Variants in EEA1 observed in about 807,000 individuals in gnomAD.
EEA1 encodes the protein early endosome antigen 1, also known as early endosome antigen 1, 162kD.
EEA1 carries 111 observed loss-of-function variants against 209.2 expected under a neutral mutation model. That is an observed-to-expected ratio of 0.53 (90% CI 0.45 to 0.62). EEA1 has a LOEUF of 0.62. EEA1 is among the 20% of genes least tolerant of loss of function. The pLI is 0.00. For synonymous variants in EEA1, 536 were observed against 540.6 expected, an observed-to-expected ratio of 0.99 and a Z score of 0.12; for missense variants, 1,343 against 1,530.8, an observed-to-expected ratio of 0.88 and a Z score of 2.05.
At chr12:92,863,157 C>A (rs1175973758) in intron 3 of EEA1, among the ~76,000 whole-genome samples, 6 of 152,212 alleles carry the variant, frequency 3.9e-5, no homozygotes, top group Non-Finnish European at 5.9e-5. Context: ...GGAAGGAGAA[C>A]TGGCACAGCC....
At chr12:92,893,061 C>T (rs1351781056) in intron 1 of EEA1, among the ~76,000 whole-genome samples, 2 of 152,238 alleles carry the variant, frequency 1.3e-5, no homozygotes, top group Non-Finnish European at 2.9e-5. Context: ...AGCTCCAATA[C>T]TTGATATGAC....
intron 2 of EEA1, among the ~76,000 whole-genome samples, chr12:92,887,949 C>A (rs1161897862): frequency 6.6e-6 from 1 of 151,132 alleles, no homozygotes; most frequent in African/African-American, 2.4e-5. Context: ...CAGGATTAAA[C>A]ACACACACAC....
chr12:92,886,810 A>G (rs1879427145), intron 2 of EEA1, among the ~76,000 whole-genome samples: 1 of 152,072 alleles, frequency 6.6e-6, no homozygotes. Context: ...CATCCTGGCT[A>G]ACATGGTGAA....
intron 18 of EEA1, among the ~76,000 whole-genome samples, chr12:92,805,611 G>T (rs747351097): frequency 2.0e-5 from 3 of 152,112 alleles, no homozygotes; most frequent in Non-Finnish European, 2.9e-5. Flanking sequence ...TGAATTGGGT[G>T]GAACTGATTT....
chr12:92,784,367 C>T (rs1447281710), intron 22 of EEA1, among the ~76,000 whole-genome samples: 1 of 152,142 alleles, frequency 6.6e-6, no homozygotes, highest in East Asian at 1.9e-4. Context: ...CTATATGTCA[C>T]AAAGGGTGAG....
rs1389930197 is a variant in EEA1 at position 92,773,789 on chromosome 12, A to G, written c.*2222T>C. On this transcript the variant is annotated 3_prime_UTR_variant, in exon 29 of 29. Coordinates refer to ENST00000322349, the MANE Select transcript of EEA1 (RefSeq NM_003566.4). ...AAAACACATTAAATTGGGGAGAGTT[A>G]GTAGCAAAAAATGTTCGGTTTCATT... 1 of 151,766 alleles carries G rather than the reference A, an allele frequency of 6.6e-6. No individual in the cohort carries two copies. Among genetic ancestry groups the G allele is most frequent in the East Asian group, 1.9e-4 (1 of 5,186 alleles). 9.4% of individuals were successfully genotyped at this position (151,766 alleles called of 1,614,324 possible).
intron 3 of EEA1, among the ~76,000 whole-genome samples, chr12:92,861,433 C>A (rs1170594479): frequency 6.6e-6 from 1 of 152,116 alleles, no homozygotes; most frequent in Non-Finnish European, 1.5e-5. Context: ...CCAGCCTGGG[C>A]AACAAGTACA....
At chr12:92,904,789 T>C (rs994459362) in intron 1 of EEA1, among the ~76,000 whole-genome samples, 2 of 152,152 alleles carry the variant, frequency 1.3e-5, no homozygotes, top group African/African-American at 4.8e-5. Flanking sequence ...TCTGCAGGGC[T>C]CCCAAGCACA....
intron 2 of EEA1, among the ~76,000 whole-genome samples, chr12:92,869,145 G>C (rs1322883920): frequency 6.6e-6 from 1 of 152,138 alleles, no homozygotes; most frequent in Non-Finnish European, 1.5e-5. Context: ...TGATATAAGA[G>C]ACTCCTCTAT....
intron 18 of EEA1, among the ~76,000 whole-genome samples, chr12:92,805,852 C>T (rs1188998469): frequency 6.6e-6 from 1 of 152,096 alleles, no homozygotes; most frequent in Non-Finnish European, 1.5e-5. Flanking sequence ...TCGTATAGGT[C>T]CCAATAACTT....
chr12:92,861,078 G>T (rs1206640805), intron 3 of EEA1, among the ~76,000 whole-genome samples: 1 of 151,998 alleles, frequency 6.6e-6, no homozygotes, highest in Admixed American at 6.6e-5. Flanking sequence ...CTCACCTAAG[G>T]GTCAAACTGA....
At position 92,798,961 on chromosome 12, in the gene EEA1, T is replaced by C; in HGVS notation, c.2898A>G (p.Gln966=). 2 of 1,613,068 alleles carry C rather than the reference T, an allele frequency of 1.2e-6. No individual in the cohort carries two copies. The highest frequency in any genetic ancestry group is 1.1e-5 in the South Asian group (1 of 90,898). The change falls in exon 21 of 29, where the codon CAA becomes CAG. Residue 966 remains glutamine, a synonymous_variant. Coordinates refer to ENST00000322349, the MANE Select transcript of EEA1 (RefSeq NM_003566.4). The part of the protein sequence containing the change: ...QLQGNINELK[Q]SSEQKKKQIE... ...TTTGTTTTTTCTTCTGTTCACTTGA[T>C]TGCTTTAGCTCATTTATGTTCCCCT...
In EEA1 at chr12:92,811,396, A is replaced by G. The variant is rs764980699; in HGVS notation, c.2082T>C (p.Thr694=). ...NKITTQLDQV[T]AKLQDKQEHC... ...GTTCTTGCTTGTCTTGTAACTTTGCAGTGACCTGATCCAACTGAGTAGTAA... is the reference window on the plus strand; with the variant it reads ...GTTCTTGCTTGTCTTGTAACTTTGCGGTGACCTGATCCAACTGAGTAGTAA... The change falls in exon 17 of 29, where the codon ACT becomes ACC. Residue 694 remains threonine (T), a synonymous_variant. Transcript: ENST00000322349. 2.1e-5 allele frequency: 33 copies of G among 1,599,792 alleles called. No homozygotes were observed. Among genetic ancestry groups the G allele is most frequent in the Non-Finnish European group, 2.6e-5 (31 of 1,174,590 alleles).
chr12:92,832,949 T>A, intron 10 of EEA1, 99 bp from the exon 11 acceptor site: 1 of 807,686 alleles, frequency 1.2e-6, no homozygotes, highest in Non-Finnish European at 1.9e-6. Flanking sequence ...CTATTATACA[T>A]TTTAGTCAAT....
At chr12:92,895,106 A>C (rs1199272844) in intron 1 of EEA1, among the ~76,000 whole-genome samples, 3 of 150,882 alleles carry the variant, frequency 2.0e-5, no homozygotes, top group African/African-American at 4.9e-5. Context: ...AATTAATAGC[A>C]CATCTGTTTA....
At chr12:92,847,605 AAAGT>A (rs1171307391) in intron 9 of EEA1, among the ~76,000 whole-genome samples, 2 of 152,250 alleles carry the variant, frequency 1.3e-5, no homozygotes, top group Admixed American at 6.5e-5. Flanking sequence ...CAAAATTAGA[AAAGT>A]AATTAACAAT....
At chr12:92,789,302 AAGAAAGAAAAGAAAAAG>A (rs1348892341) in intron 21 of EEA1, among the ~76,000 whole-genome samples, 44 of 151,682 alleles carry the variant, frequency 2.9e-4, no homozygotes, top group Non-Finnish European at 5.9e-4. Context: ...AAAAAAAAGA[AAGAAAGAAAAGAAAAAG>A]AGAAAGAAAA....
chr12:92,798,265 T>C (rs943208634), intron 21 of EEA1, among the ~76,000 whole-genome samples: 1 of 152,182 alleles, frequency 6.6e-6, no homozygotes, highest in African/African-American at 2.4e-5. Flanking sequence ...ATAAGAATGA[T>C]TTATTTTAAA....
intron 1 of EEA1, among the ~76,000 whole-genome samples, chr12:92,915,821 T>A (rs1880743335): frequency 6.6e-6 from 1 of 152,200 alleles, no homozygotes; most frequent in Non-Finnish European, 1.5e-5. Flanking sequence ...AGCCATAAAT[T>A]GGCTGACCTA....
Sources: allele counts gnomAD v4.1 joint callset (sites outside exome capture counted in the v4.1 genomes callset), GRCh38; gene constraint gnomAD v4.1.1; transcripts MANE v1.5; gene names NCBI Gene and HGNC (gene_info 2026-07-23, HGNC 2026-07-21).